The following BSN variants were observed in gnomAD, a reference collection of about 807,000 sequenced individuals.
The protein encoded by BSN is bassoon presynaptic cytomatrix protein.
BSN carries 57 observed loss-of-function variants against 264.8 expected under a neutral mutation model. The observed-to-expected ratio is 0.22, with a 90% CI of 0.17 to 0.27. The LOEUF (loss-of-function observed/expected upper bound fraction) is 0.27, where lower values mean the gene tolerates loss of function less well. Among genes scored for constraint, BSN ranks in the 10% least tolerant of loss-of-function variants. The pLI is 1.00. For missense variants in BSN, 4,615 were observed against 5,232.5 expected (o/e 0.88, Z 3.64); for synonymous variants, 2,059 against 2,137.3 (o/e 0.96, Z 1.01).
chr3:49,664,885 C>A, intron 10 of BSN, 32 bp downstream of exon 10: 2 of 1,302,836 alleles, frequency 1.5e-6, no homozygotes, highest in Non-Finnish European at 2.2e-6. Flanking sequence ...CTTGCCTCTT[C>A]TGGGAAAGGC....
intron 1 of BSN, among the ~76,000 whole-genome samples, chr3:49,606,302 A>AATATATATTATATATATTAAAAT (rs1559603720): frequency 1.1e-5 from 1 of 87,446 alleles, no homozygotes; most frequent in African/African-American, 5.0e-5. Context: ...ATATATTAAA[A>AATATATATTATATATATTAAAAT]ATATATATAA....
Position 49,638,473 on chromosome 3 carries a change from G to A in BSN, c.634-3795G>A, listed in dbSNP as rs532551007. 3.1e-4 allele frequency among the ~76,000 whole-genome samples: 47 copies of A among 152,284 alleles called. No homozygotes were observed. The highest frequency in any genetic ancestry group is 6.3e-4 in the Non-Finnish European group (43 of 68,014). Reference sequence around the variant, plus strand: ...GATCTGTCGGGGAGGCAGAGAGGGGGATGTATTGCTGGCCTCAGAGAGCTC... The same window carrying A: ...GATCTGTCGGGGAGGCAGAGAGGGGAATGTATTGCTGGCCTCAGAGAGCTC... On this transcript the variant is annotated intron_variant, in intron 2 of 11. Coordinates refer to ENST00000296452, the MANE Select transcript of BSN (RefSeq NM_003458.4). The surrounding 1 kb of genome is among the most constrained non-coding windows in gnomAD (Gnocchi z 4.3).
Position 49,663,559 on chromosome 3 carries a change from C to G in BSN, c.11401C>G (p.Gln3801Glu). ...QQALTQARLQ[Q>E]QSQPTTRGSA... ...GGCTCTGACACAGGCTCGGCTGCAG[C>G]AACAGAGCCAGCCAACCACCCGGGG... is the stretch of plus-strand genomic sequence containing the variant. Residue 3801 changes from glutamine to glutamate, a missense_variant, in exon 7 of 12, where the codon CAA becomes GAA. Coordinates refer to ENST00000296452, the MANE Select transcript of BSN (RefSeq NM_003458.4). The G allele has an allele frequency of 2.5e-6, 4 of 1,607,390 alleles. No homozygotes were observed. Among genetic ancestry groups the G allele is most frequent in the Non-Finnish European group, 3.4e-6 (4 of 1,178,492 alleles).
In BSN at chr3:49,662,201, G is replaced by A; in HGVS notation, c.10356G>A (p.Glu3452=). The part of the protein sequence containing the change: ...RSRAPSAYSG[E]KLSSHDFSGW... ...GGGCACCTTCTGCATACAGTGGGGA[G>A]AAGCTGTCCAGCCACGACTTCAGTG... Residue 3452 remains glutamate (E), a synonymous_variant, in exon 6 of 12, where the codon GAG becomes GAA. Coordinates refer to ENST00000296452, the MANE Select transcript of BSN (RefSeq NM_003458.4). The A allele has an allele frequency of 6.2e-7, 1 of 1,613,162 alleles. No homozygotes were observed. Among genetic ancestry groups the A allele is most frequent in the Admixed American group, 1.7e-5 (1 of 60,036 alleles).
chr3:49,569,886 G>A (rs2051783101), intron 1 of BSN, among the ~76,000 whole-genome samples: 3 of 152,166 alleles, frequency 2.0e-5, no homozygotes, highest in Admixed American at 6.5e-5. Context: ...AGTGACAGTC[G>A]TGTGGGACAG....
Position 49,665,119 on chromosome 3 carries a change from A to G in BSN, c.*15-110A>G, listed in dbSNP as rs550259907. On this transcript the variant is annotated intron_variant, in intron 10 of 11. Coordinates refer to ENST00000296452, the MANE Select transcript of BSN (RefSeq NM_003458.4). ...GCCAGGGCCAGTGCCCTGGCTTTCA[A>G]ACCATCTGCCATCCCCTGCAGGGCT... The G allele has an allele frequency of 2.9e-4, 115 of 393,400 alleles. 1 individual carries two copies. Among genetic ancestry groups the G allele is most frequent in the African/African-American group, 1.8e-3 (88 of 48,124 alleles). The allele number at this position is 393,400 out of a possible 1,614,324, so 24.4% of individuals were successfully genotyped here.
chr3:49,557,045 G>C (rs1277812032), intron 1 of BSN, among the ~76,000 whole-genome samples: 1 of 152,206 alleles, frequency 6.6e-6, no homozygotes, highest in African/African-American at 2.4e-5. Flanking sequence ...GTTGGACTCT[G>C]TGAGGGGGTG....
At position 49,661,705 on chromosome 3, in the gene BSN, G is replaced by A. The variant is rs1444759650; in HGVS notation, c.9860G>A (p.Gly3287Glu). 1 of 1,613,720 alleles carries A rather than the reference G, an allele frequency of 6.2e-7. No individual in the cohort carries two copies. The highest frequency in any genetic ancestry group is 1.1e-5 in the South Asian group (1 of 91,090). ...GPTLPCCYAR[G>E]EEESEEDSYD... ...ACACTGCCCTGCTGCTATGCCAGAGGAGAAGAGGAATCTGAGGAGGACTCA... is the reference window on the plus strand; with the variant it reads ...ACACTGCCCTGCTGCTATGCCAGAGAAGAAGAGGAATCTGAGGAGGACTCA... Residue 3287 changes from glycine to glutamate, a missense_variant, in exon 6 of 12, where the codon GGA (glycine) becomes GAA (glutamate). Coordinates refer to ENST00000296452, the MANE Select transcript of BSN (RefSeq NM_003458.4).
chr3:49,616,448 C>G (rs1298058478), intron 1 of BSN, among the ~76,000 whole-genome samples: 1 of 152,236 alleles, frequency 6.6e-6, no homozygotes, highest in Non-Finnish European at 1.5e-5. Context: ...ATCAAAACCT[C>G]TTTTGAAGCT....
chr3:49,627,107 G>T (rs2052347083), intron 2 of BSN, among the ~76,000 whole-genome samples: 1 of 152,268 alleles, frequency 6.6e-6, no homozygotes, highest in African/African-American at 2.4e-5. Context: ...TGAAGAGTGG[G>T]TCTCAGCCAA....
chr3:49,575,601 A>T (rs141067572), intron 1 of BSN, among the ~76,000 whole-genome samples: 2 of 145,766 alleles, frequency 1.4e-5, no homozygotes, highest in Non-Finnish European at 3.0e-5. Context: ...TCAAATATAT[A>T]TACATATATA....
Position 49,656,569 on chromosome 3 carries a change from C to A in BSN, c.7013C>A (p.Ala2338Glu). 6.3e-7 allele frequency: 1 copy of A among 1,578,464 alleles called. No homozygotes were observed. The highest frequency in any genetic ancestry group is 1.2e-5 in the South Asian group (1 of 86,282). Reference protein sequence around the residue: ...PAPLAGQKPPADAAPGGGSGA... With the variant: ...PAPLAGQKPPEDAAPGGGSGA... ...CCACTAGCTGGCCAGAAGCCACCAG[C>A]AGATGCTGCTCCTGGGGGTGGCAGT... Residue 2338 changes from alanine (A) to glutamate (E), a missense_variant, in exon 5 of 12, where the codon GCA becomes GAA. Ala to Glu is a moderately radical substitution (Grantham distance 107, BLOSUM62 -1). Transcript: ENST00000296452.
intron 1 of BSN, among the ~76,000 whole-genome samples, chr3:49,571,932 T>G (rs1270919090): frequency 6.6e-6 from 1 of 152,184 alleles, no homozygotes; most frequent in Non-Finnish European, 1.5e-5. Context: ...CAGAGAAGGC[T>G]TTGCTCCCCA....
chr3:49,576,600 T>G (rs1367035865), intron 1 of BSN, among the ~76,000 whole-genome samples: 3 of 152,022 alleles, frequency 2.0e-5, no homozygotes, highest in Non-Finnish European at 4.4e-5. Context: ...TTTTGAAATT[T>G]TAGTAGAGAT....
In BSN at chr3:49,662,272, T is replaced by C; in HGVS notation, c.10427T>C (p.Leu3476Pro). 1 of 1,613,850 alleles carries C rather than the reference T, an allele frequency of 6.2e-7. No individual in the cohort carries two copies. The highest frequency in any genetic ancestry group is 1.1e-5 in the South Asian group (1 of 91,080). The change falls in exon 6 of 12, where the codon CTT becomes CCT. Residue 3476 changes from leucine (L) to proline (P), a missense_variant. Transcript: ENST00000296452. ...AGGGAACGGGAGGCTGTGGAGCGAC[T>C]TCAAAAAGCGGGCCCCAAGCCCTCA... ...YEREREAVER[L>P]QKAGPKPSSL...
At chr3:49,603,949 G>A (rs1205344867) in intron 1 of BSN, among the ~76,000 whole-genome samples, 1 of 152,022 alleles carries the variant, frequency 6.6e-6, no homozygotes, top group East Asian at 1.9e-4. Flanking sequence ...GTATCCTTTT[G>A]TGCCTGGCTT....
chr3:49,600,618 C>A (rs1194152706), intron 1 of BSN, among the ~76,000 whole-genome samples: 1 of 151,354 alleles, frequency 6.6e-6, no homozygotes, highest in African/African-American at 2.4e-5. Flanking sequence ...ACAGTAAGAC[C>A]CTGTCTCCAC....
chr3:49,624,299 C>CATTTTTTTTTTT (rs1427835739), intron 1 of BSN, among the ~76,000 whole-genome samples: 1 of 23,342 alleles, frequency 4.3e-5, no homozygotes, highest in Non-Finnish European at 9.9e-5. Flanking sequence ...ACGTGCCCAG[C>CATTTTTTTTTTT]CTTTTTTTTT....
chr3:49,646,636 A>G (rs1445412614), intron 3 of BSN, among the ~76,000 whole-genome samples: 1 of 152,236 alleles, frequency 6.6e-6, no homozygotes, highest in Non-Finnish European at 1.5e-5. Flanking sequence ...GTCAGCCCTT[A>G]AGCCAGGATT....
Sources: allele counts gnomAD v4.1 joint callset (sites outside exome capture counted in the v4.1 genomes callset), GRCh38; gene constraint gnomAD v4.1.1; non-coding constraint Gnocchi (gnomAD v3.1); transcripts MANE v1.5; gene names NCBI Gene and HGNC (gene_info 2026-07-23, HGNC 2026-07-21).